GK5: variants seen among roughly 807,000 people sequenced by gnomAD.
GK5 encodes ATP:glycerol 3-phosphotransferase 5.
In GK5, 39 loss-of-function variants were observed where a neutral mutation model predicts 77.3. The observed-to-expected ratio is 0.50, with a 90% CI of 0.39 to 0.66. The LOEUF (loss-of-function observed/expected upper bound fraction) is 0.66, where lower values mean the gene tolerates loss of function less well. GK5 is among the 30% of genes least tolerant of loss of function. The pLI is 0.00. For missense variants in GK5, 487 were observed against 633.8 expected (o/e 0.77, Z 2.49); for synonymous variants, 211 against 208.0 (o/e 1.01, Z -0.13).
At chr3:142,180,883 A>C (rs953407475) in intron 11 of GK5, among the ~76,000 whole-genome samples, 3 of 152,184 alleles carry the variant, frequency 2.0e-5, no homozygotes, top group Non-Finnish European at 2.9e-5. Flanking sequence ...TGAGCAGCAC[A>C]TGTGAAGATA....
chr3:142,187,901 A>G (rs1205619181), intron 5 of GK5, 122 bp from the exon 6 acceptor site: 14 of 660,980 alleles, frequency 2.1e-5, no homozygotes, highest in Non-Finnish European at 3.3e-5. Context: ...ACACAAAAAC[A>G]TTTCTAGAAT....
At chr3:142,208,706 T>G (rs956990756) in intron 3 of GK5, among the ~76,000 whole-genome samples, 2 of 152,208 alleles carry the variant, frequency 1.3e-5, no homozygotes, top group African/African-American at 2.4e-5. Flanking sequence ...CAGCAAAAAT[T>G]TATAAGCCAA....
chr3:142,206,797 C>G (rs1043022784), intron 3 of GK5, among the ~76,000 whole-genome samples: 57 of 152,316 alleles, frequency 3.7e-4, no homozygotes, highest in East Asian at 5.8e-4. Context: ...TTGGGAGGAT[C>G]CACTATCGTT....
chr3:142,213,935 G>A (rs2107797260), intron 2 of GK5, among the ~76,000 whole-genome samples: 1 of 152,256 alleles, frequency 6.6e-6, no homozygotes, highest in African/African-American at 2.4e-5. Flanking sequence ...CAATTCTCCT[G>A]CCTCAGCCTC....
In GK5 at chr3:142,191,182, A is replaced by G. The variant is rs182195933; in HGVS notation, c.544-3403T>C. Among the ~76,000 whole-genome samples, 304 of 152,054 alleles carry G rather than the reference A, an allele frequency of 2.0e-3. 1 individual carries two copies. Among genetic ancestry groups the G allele is most frequent in the Middle Eastern group, 0.014 (4 of 294 alleles). On this transcript the variant is annotated intron_variant, in intron 5 of 15. Transcript: ENST00000392993. ...CTCAGCCTCCCAAGTAGCTGGGACT[A>G]CAGGTGCGTGGTAATTTTTGTATTT...
intron 4 of GK5, among the ~76,000 whole-genome samples, chr3:142,203,528 A>G (rs1355321619): frequency 6.6e-6 from 1 of 152,220 alleles, no homozygotes; most frequent in Non-Finnish European, 1.5e-5. Flanking sequence ...TAATCCCCGC[A>G]CTTTGGGAGG....
At position 142,197,509 on chromosome 3, in the gene GK5, A is replaced by T. The variant is rs150988715; in HGVS notation, c.543+1293T>A. Among the ~76,000 whole-genome samples, 537 of 152,240 alleles carry T rather than the reference A, an allele frequency of 3.5e-3. 2 individuals carry two copies. Among genetic ancestry groups the T allele is most frequent in the African/African-American group, 0.013 (523 of 41,536 alleles). ...CTTTTAACCTCTTTATATTTTTTAA[A>T]TCTTAAGTGTGTCCCTTATAGACAA... On this transcript the variant is annotated intron_variant, in intron 5 of 15. Transcript: ENST00000392993.
At chr3:142,216,843 C>T (rs912156353) in intron 1 of GK5, among the ~76,000 whole-genome samples, 2 of 152,200 alleles carry the variant, frequency 1.3e-5, no homozygotes, top group African/African-American at 4.8e-5. Context: ...TGCACACACA[C>T]AGGGCAGATC....
intron 5 of GK5, among the ~76,000 whole-genome samples, chr3:142,189,261 C>T (rs1050715794): frequency 2.0e-5 from 3 of 151,972 alleles, no homozygotes; most frequent in African/African-American, 7.2e-5. Context: ...AAAAGAAAAG[C>T]AAATGGAAAC....
At chr3:142,185,279 G>T in intron 9 of GK5, 1 of 317,714 alleles carries the variant, frequency 3.1e-6, no homozygotes, top group Non-Finnish European at 4.5e-6. Context: ...CAGGTGTCGT[G>T]GCACACACCT....
chr3:142,184,294 A>C (rs1157282783), intron 9 of GK5, among the ~76,000 whole-genome samples: 1 of 146,458 alleles, frequency 6.8e-6, no homozygotes, highest in South Asian at 2.2e-4. Context: ...AAAGAAAATA[A>C]GAATAAAAAT....
chr3:142,188,018 G>A (rs922436605), intron 5 of GK5, among the ~76,000 whole-genome samples: 3 of 151,802 alleles, frequency 2.0e-5, no homozygotes, highest in African/African-American at 7.3e-5. Flanking sequence ...GGTTTTAGTT[G>A]TATACCAAGC....
chr3:142,198,271 A>G (rs1401573806), intron 5 of GK5, among the ~76,000 whole-genome samples: 1 of 152,198 alleles, frequency 6.6e-6, no homozygotes, highest in Admixed American at 6.5e-5. Context: ...TGTCAAAAAC[A>G]TAATATTGAG....
chr3:142,181,406 G>A, intron 11 of GK5, 55 bp downstream of exon 11: 2 of 986,352 alleles, frequency 2.0e-6, no homozygotes, highest in South Asian at 3.0e-5. Flanking sequence ...CAATCCTGTG[G>A]CATTCTTGAA....
At chr3:142,204,517 T>C (rs1282208828) in intron 4 of GK5, 178 bp downstream of exon 4, 3 of 665,836 alleles carry the variant, frequency 4.5e-6, no homozygotes, top group East Asian at 3.0e-5. Flanking sequence ...GAGGTACAAG[T>C]ACTGAAGTCT....
chr3:142,203,738 C>T (rs1415417006), intron 4 of GK5, among the ~76,000 whole-genome samples: 1 of 152,148 alleles, frequency 6.6e-6, no homozygotes, highest in African/African-American at 2.4e-5. Flanking sequence ...CGCGCCACTG[C>T]ACTCCAGCTT....
At chr3:142,220,354 C>G (rs2064325301) in intron 1 of GK5, among the ~76,000 whole-genome samples, 1 of 152,146 alleles carries the variant, frequency 6.6e-6, no homozygotes, top group South Asian at 2.1e-4. Context: ...CCAGGATGGT[C>G]TTGATCTCTT....
chr3:142,212,859 G>A (rs1463347179), intron 3 of GK5, among the ~76,000 whole-genome samples: 6 of 19,862 alleles, frequency 3.0e-4, no homozygotes, highest in South Asian at 1.1e-3. Context: ...TTTTTGAGAC[G>A]GAGTCTCGCT....
intron 4 of GK5, among the ~76,000 whole-genome samples, chr3:142,201,534 A>G (rs956959869): frequency 6.6e-6 from 1 of 152,226 alleles, no homozygotes; most frequent in African/African-American, 2.4e-5. Context: ...ACAGAAGAAC[A>G]ACACAAGAGA....
Sources: allele counts gnomAD v4.1 joint callset (sites outside exome capture counted in the v4.1 genomes callset), GRCh38; gene constraint gnomAD v4.1.1; transcripts MANE v1.5; gene names NCBI Gene and HGNC (gene_info 2026-07-23, HGNC 2026-07-21).